Variants in CADPS observed in about 807,000 individuals in gnomAD.
The protein encoded by CADPS is calcium dependent secretion activator.
In CADPS, 57 loss-of-function variants were observed where a neutral mutation model predicts 167.3. The ratio of observed to expected loss-of-function variants is 0.34; its 90% CI spans 0.28 to 0.42. The LOEUF is 0.42. Among genes scored for constraint, CADPS ranks in the 20% least tolerant of loss-of-function variants. The pLI is 1.00. For missense variants in CADPS, 1,414 were observed against 1,738.1 expected (o/e 0.81, Z 3.32); for synonymous variants, 676 against 635.3 (o/e 1.06, Z -0.96).
chr3:62,638,667 T>A (rs374438923), intron 6 of CADPS, among the ~76,000 whole-genome samples: 17 of 152,280 alleles, frequency 1.1e-4, no homozygotes, highest in Middle Eastern at 3.4e-3. Flanking sequence ...AGTATCAACG[T>A]CTAACTGACA....
intron 6 of CADPS, among the ~76,000 whole-genome samples, chr3:62,632,255 T>C (rs1477609246): frequency 6.6e-6 from 1 of 152,178 alleles, no homozygotes; most frequent in Non-Finnish European, 1.5e-5. Context: ...TATTGCTGGA[T>C]ATAGGGATCA....
In CADPS at chr3:62,648,691, C is replaced by CAAAAAAAAAAAAAAAAAAAAAAA. The variant is rs55665003; in HGVS notation, c.1203+2155_1203+2156insTTTTTTTTTTTTTTTTTTTTTTT. 1.3e-4 allele frequency among the ~76,000 whole-genome samples: 7 copies of CAAAAAAAAAAAAAAAAAAAAAAA among 54,550 alleles called. 3 individuals are homozygous for CAAAAAAAAAAAAAAAAAAAAAAA. The highest frequency in any genetic ancestry group is 1.2e-3 in the East Asian group (2 of 1,620). 35.8% of individuals were successfully genotyped at this position (54,550 alleles called of 152,430 possible). A position where few individuals can be genotyped will look rare whatever the true frequency, so the allele number is the denominator to read the frequency against. ...TGGGCAACAGAGTGAGACGTTGTGT[C>CAAAAAAAAAAAAAAAAAAAAAAA]AAAAAAAAAAAAAAGAGGAAAGAAA... On this transcript the variant is annotated intron_variant, in intron 5 of 29. Transcript: ENST00000383710.
chr3:62,639,355 G>T (rs762317895), intron 6 of CADPS, among the ~76,000 whole-genome samples: 2 of 152,084 alleles, frequency 1.3e-5, no homozygotes, highest in Non-Finnish European at 2.9e-5. Flanking sequence ...ATATCTCCTG[G>T]ACTGTGAACT....
chr3:62,600,401 G>A (rs1228857501), intron 6 of CADPS, among the ~76,000 whole-genome samples: 3 of 152,148 alleles, frequency 2.0e-5, no homozygotes, highest in Non-Finnish European at 4.4e-5. Context: ...CATAAGCAGA[G>A]ACTGTAGAAA....
At chr3:62,668,755 G>T (rs1201507175) in intron 3 of CADPS, among the ~76,000 whole-genome samples, 1 of 152,112 alleles carries the variant, frequency 6.6e-6, no homozygotes, top group African/African-American at 2.4e-5. Context: ...TACTTACGTA[G>T]GTGCTACTTG....
intron 18 of CADPS, chr3:62,498,252 G>T (rs571251123): frequency 4.4e-6 from 2 of 450,866 alleles, no homozygotes; most frequent in South Asian, 1.6e-5. Context: ...GATTTATGGC[G>T]TATTATATAT....
chr3:62,648,445 G>A (rs1409048206), intron 5 of CADPS, among the ~76,000 whole-genome samples: 5 of 151,916 alleles, frequency 3.3e-5, no homozygotes, highest in Non-Finnish European at 7.4e-5. Context: ...ATTTTGGGGG[G>A]CTTAGGTGGA....
chr3:62,835,375 A>G (rs1023928431), intron 1 of CADPS, among the ~76,000 whole-genome samples: 1 of 152,164 alleles, frequency 6.6e-6, no homozygotes, highest in Non-Finnish European at 1.5e-5. Flanking sequence ...TTATCAAAAA[A>G]CCTATTTTCA....
chr3:62,765,889 A>G lies in CADPS; in HGVS notation c.537T>C (p.Ala179=). Residue 179 remains alanine (A), a synonymous_variant, in exon 2 of 30, where the codon GCT becomes GCC. Coordinates refer to ENST00000383710, the MANE Select transcript of CADPS (RefSeq NM_003716.4). ...QIMADEAFMN[A]VQSYYEVFLK... ...TTCTCACCTCATAGTAACTCTGCAC[A>G]GCGTTCATGAAGGCTTCGTCAGCCA... 1 of 1,611,616 alleles carries G rather than the reference A, an allele frequency of 6.2e-7. No individual in the cohort carries two copies. Among genetic ancestry groups the G allele is most frequent in the Non-Finnish European group, 8.5e-7 (1 of 1,177,902 alleles).
At chr3:62,440,161 T>C (rs1448512115) in intron 27 of CADPS, 2 of 152,164 alleles carry the variant, frequency 1.3e-5, no homozygotes, top group Admixed American at 6.5e-5. Context: ...TAGCATATAG[T>C]AGGGGCCCAG....
At chr3:62,442,373 A>G (rs1278032849) in intron 27 of CADPS, among the ~76,000 whole-genome samples, 3 of 152,208 alleles carry the variant, frequency 2.0e-5, no homozygotes, top group East Asian at 1.9e-4. Context: ...GCACGCCACC[A>G]CACCCGGCTA....
At chr3:62,586,255 A>G (rs1313857282) in intron 7 of CADPS, among the ~76,000 whole-genome samples, 1 of 152,176 alleles carries the variant, frequency 6.6e-6, no homozygotes, top group East Asian at 1.9e-4. Flanking sequence ...TTTGTGGCAC[A>G]TTGTTTTGGC....
intron 3 of CADPS, among the ~76,000 whole-genome samples, chr3:62,697,384 T>C (rs912389381): frequency 2.0e-5 from 3 of 152,096 alleles, no homozygotes; most frequent in African/African-American, 7.2e-5. Flanking sequence ...ATTCCTAAGT[T>C]ACTTCAGTAA....
intron 1 of CADPS, among the ~76,000 whole-genome samples, chr3:62,832,163 G>A (rs2075208409): frequency 6.6e-6 from 1 of 152,300 alleles, no homozygotes; most frequent in African/African-American, 2.4e-5. Context: ...AATTCTGAAT[G>A]GGTTTGTCAG....
chr3:62,857,538 G>A (rs2079945545), intron 1 of CADPS, among the ~76,000 whole-genome samples: 1 of 151,966 alleles, frequency 6.6e-6, no homozygotes, highest in African/African-American at 2.4e-5. Context: ...AAGTCATTTA[G>A]AAGAATGACA....
chr3:62,828,681 T>C (rs1043953067), intron 1 of CADPS, among the ~76,000 whole-genome samples: 2 of 152,186 alleles, frequency 1.3e-5, no homozygotes, highest in Non-Finnish European at 2.9e-5. Flanking sequence ...AAAAAAAGCA[T>C]ACTTATTTAA....
At chr3:62,712,880 T>C (rs1477784888) in intron 3 of CADPS, among the ~76,000 whole-genome samples, 3 of 152,144 alleles carry the variant, frequency 2.0e-5, no homozygotes, top group Non-Finnish European at 4.4e-5. Context: ...TTACCACCTT[T>C]TGTGAGAGGA....
intron 1 of CADPS, among the ~76,000 whole-genome samples, chr3:62,820,622 T>C (rs1294881542): frequency 6.6e-6 from 1 of 152,142 alleles, no homozygotes; most frequent in Non-Finnish European, 1.5e-5. Context: ...GGCCTGGCAT[T>C]AATAACAATA....
intron 14 of CADPS, among the ~76,000 whole-genome samples, 156 bp downstream of exon 14, chr3:62,517,993 C>G: frequency 6.6e-6 from 1 of 152,104 alleles, no homozygotes; most frequent in East Asian, 1.9e-4. Context: ...CTGGTTATTG[C>G]GGAACCATAT....
Sources: gnomAD v4.1 joint callset for allele counts (sites outside exome capture counted in the v4.1 genomes callset) on GRCh38, gnomAD v4.1.1 for gene constraint, MANE v1.5 for transcripts, NCBI Gene and HGNC (gene_info 2026-07-23, HGNC 2026-07-21) for gene names.